GPHN: variants seen among roughly 807,000 people sequenced by gnomAD.
GPHN encodes gephyrin.
In GPHN, 17 loss-of-function variants were observed where a neutral mutation model predicts 95.5. The ratio of observed to expected loss-of-function variants is 0.18; its 90% CI spans 0.12 to 0.27. GPHN has a LOEUF of 0.27. Ranked by LOEUF, GPHN falls within the 10% of genes least tolerant of loss-of-function variation. The pLI, the probability that GPHN is intolerant of heterozygous loss-of-function variation, is 1.00. For synonymous variants in GPHN, 320 were observed against 322.5 expected (o/e 0.99, Z 0.08); for missense variants, 660 against 978.1 (o/e 0.67, Z 4.34).
chr14:67,199,894 G>A, the GPHN span: 1 of 1,483,422 alleles, frequency 6.7e-7, no homozygotes, highest in Non-Finnish European at 9.0e-7. Context: ...CCCATCGGCA[G>A]GAACCCCAGG....
intron 1 of GPHN, among the ~76,000 whole-genome samples, chr14:66,559,044 A>G (rs1270800174): frequency 6.6e-6 from 1 of 152,128 alleles, no homozygotes; most frequent in Non-Finnish European, 1.5e-5. Context: ...AATTTCATCC[A>G]TGTCCCTACA....
At chr14:67,316,767 T>TAA in the GPHN span, 356 of 1,281,460 alleles carry the variant, frequency 2.8e-4, no homozygotes, top group East Asian at 2.8e-3. Context: ...CCTTCTTGAT[T>TAA]AAAAAAAAAA....
the GPHN span, among the ~76,000 whole-genome samples, chr14:67,572,446 A>G: frequency 6.6e-6 from 1 of 152,074 alleles, no homozygotes; most frequent in African/African-American, 2.4e-5. Flanking sequence ...GGAGTCAGAC[A>G]CACAGACCCC....
At chr14:67,495,337 G>A in the GPHN span, among the ~76,000 whole-genome samples, 1 of 152,154 alleles carries the variant, frequency 6.6e-6, no homozygotes, top group African/African-American at 2.4e-5. Context: ...CCTTGCAGAA[G>A]GCATCCATCC....
the GPHN span, among the ~76,000 whole-genome samples, chr14:67,444,981 G>T: frequency 7.2e-5 from 11 of 152,024 alleles, no homozygotes; most frequent in Middle Eastern, 3.2e-3. Flanking sequence ...AGTTTCTCTC[G>T]AACTCCTGAC....
At chr14:67,129,975 A>G (rs555617458) in intron 17 of GPHN, among the ~76,000 whole-genome samples, 3 of 152,232 alleles carry the variant, frequency 2.0e-5, no homozygotes, top group African/African-American at 7.2e-5. Flanking sequence ...AATGTAATAT[A>G]TTGGCTTTGA....
At chr14:67,603,989 G>GTTTT in the GPHN span, among the ~76,000 whole-genome samples, 29 of 146,184 alleles carry the variant, frequency 2.0e-4, no homozygotes, top group Non-Finnish European at 2.6e-4. Flanking sequence ...CCCTGCCCTT[G>GTTTT]TTTTTTGTTT....
At chr14:66,861,165 T>C (rs894969696) in intron 4 of GPHN, among the ~76,000 whole-genome samples, 2 of 151,932 alleles carry the variant, frequency 1.3e-5, no homozygotes, top group East Asian at 3.9e-4. Context: ...AAGACAAATA[T>C]AAACTGAAAA....
At chr14:67,370,417 T>G in the GPHN span, among the ~76,000 whole-genome samples, 2 of 152,192 alleles carry the variant, frequency 1.3e-5, no homozygotes, top group African/African-American at 4.8e-5. Flanking sequence ...GTATCAAAGT[T>G]AAAAACTTGT....
intron 10 of GPHN, among the ~76,000 whole-genome samples, chr14:67,056,846 T>C (rs910017173): frequency 6.6e-6 from 1 of 151,954 alleles, no homozygotes; most frequent in African/African-American, 2.4e-5. Context: ...GGGCTGCAGG[T>C]CCTGAGCCCT....
chr14:67,320,529 A>C, the GPHN span: 5 of 812,638 alleles, frequency 6.2e-6, no homozygotes, highest in Non-Finnish European at 8.8e-6. Flanking sequence ...ACTTTAACCA[A>C]AGATTTTGAC....
intron 1 of GPHN, among the ~76,000 whole-genome samples, chr14:66,591,891 C>T (rs1409071499): frequency 1.3e-5 from 2 of 152,176 alleles, no homozygotes; most frequent in African/African-American, 4.8e-5. Context: ...CATCATGCTA[C>T]CTGAATTCAA....
the GPHN span, among the ~76,000 whole-genome samples, chr14:67,203,954 C>T: frequency 6.6e-6 from 1 of 152,194 alleles, no homozygotes; most frequent in Admixed American, 6.5e-5. Flanking sequence ...TCAGGTGATC[C>T]ACCCGCCTTG....
intron 1 of GPHN, among the ~76,000 whole-genome samples, chr14:66,576,333 C>T (rs2060897847): frequency 6.6e-6 from 1 of 151,186 alleles, no homozygotes; most frequent in Admixed American, 6.6e-5. Context: ...TCTTTTAGCT[C>T]TTTAAAAATA....
intron 2 of GPHN, among the ~76,000 whole-genome samples, chr14:66,700,936 T>A (rs1380195758): frequency 6.6e-6 from 1 of 151,848 alleles, no homozygotes; most frequent in Non-Finnish European, 1.5e-5. Flanking sequence ...AAAAACTATA[T>A]TATTTCTCAA....
At chr14:66,587,109 A>G (rs1595098560) in intron 1 of GPHN, among the ~76,000 whole-genome samples, 4 of 152,290 alleles carry the variant, frequency 2.6e-5, no homozygotes, top group Admixed American at 2.6e-4. Context: ...GTGAACAGTT[A>G]TACACAAACA....
the GPHN span, among the ~76,000 whole-genome samples, chr14:67,237,750 T>TAAATATGTAAAA: frequency 6.6e-6 from 1 of 152,204 alleles, no homozygotes; most frequent in East Asian, 1.9e-4. Flanking sequence ...ATGGTGACTG[T>TAAATATGTAAAA]CCACCTTACT....
rs551921131 is a variant in GPHN at position 66,588,840 on chromosome 14, CT to C, written c.64+80250del. On this transcript the variant is annotated intron_variant, in intron 1 of 22. Coordinates refer to ENST00000478722, the MANE Select transcript of GPHN (RefSeq NM_020806.5). ...TATTATCCAGGAGAACTTTCCCAACCTAGCAAGACAGGCCAACATTCAAATT... is the reference window on the plus strand; with the variant it reads ...TATTATCCAGGAGAACTTTCCCAACCAGCAAGACAGGCCAACATTCAAATT... Among the ~76,000 whole-genome samples, 9 of 152,226 alleles carry C rather than the reference CT, an allele frequency of 5.9e-5. No homozygotes were observed. In the East Asian group the frequency reaches 1.7e-3, roughly 29 times the overall value.
At position 66,700,161 on chromosome 14, in the gene GPHN, G is replaced by A. The variant is rs926337084; in HGVS notation, c.143+18976G>A. Among the ~76,000 whole-genome samples the A allele has an allele frequency of 4.5e-4, 69 of 152,180 alleles. No individual in the cohort carries two copies. The Middle Eastern group carries it at 0.01, about 23-fold the overall frequency. ...TTAAATGTTTTCTATTTCTGTAGAG[G>A]ATATTCAAAGAAAAATTGGTATCAG... is the stretch of plus-strand genomic sequence containing the variant. On this transcript the variant is annotated intron_variant, in intron 2 of 22. Coordinates refer to ENST00000478722, the MANE Select transcript of GPHN (RefSeq NM_020806.5).
Sources: gnomAD v4.1 joint callset for allele counts (sites outside exome capture counted in the v4.1 genomes callset) on GRCh38, gnomAD v4.1.1 for gene constraint, MANE v1.5 for transcripts, NCBI Gene and HGNC (gene_info 2026-07-23, HGNC 2026-07-21) for gene names.